RNASE10: variants seen among roughly 807,000 people sequenced by gnomAD.
The protein encoded by RNASE10 is ribonuclease A family member 10 (inactive).
A neutral mutation model predicts 1.1 loss-of-function variants in RNASE10; 2 were observed. That is an observed-to-expected ratio of 1.82 (90% CI 0.74 to 5.73). The LOEUF (loss-of-function observed/expected upper bound fraction) is 5.73. RNASE10 is among the 30% of genes most tolerant of loss of function. The pLI, the probability that RNASE10 is intolerant of heterozygous loss-of-function variation, is 0.05. For synonymous variants in RNASE10, 97 were observed against 96.2 expected (o/e 1.01, Z -0.05); for missense variants, 276 against 263.4 (o/e 1.05, Z -0.33).
At chr14:20,513,122 A>C (rs1051890914), downstream of RNASE10, among the ~76,000 whole-genome samples, 3 of 152,094 alleles carry the variant, frequency 2.0e-5, no homozygotes, top group Non-Finnish European at 4.4e-5. Context: ...TTCTCTCCCT[A>C]AGCGTTCCGG....
exon 2 of RNASE10, chr14:20,511,137 T>G: frequency 6.8e-7 from 1 of 1,463,122 alleles, no homozygotes; most frequent in Non-Finnish European, 9.1e-7. Context: ...ACTCATCATC[T>G]TTTTTCTCTT....
downstream of RNASE10, among the ~76,000 whole-genome samples, chr14:20,512,839 G>A (rs1040368142): frequency 2.0e-5 from 3 of 152,174 alleles, no homozygotes; most frequent in African/African-American, 4.8e-5. Flanking sequence ...TCCTGAGGGC[G>A]AATCCCTCTC....
downstream of RNASE10, among the ~76,000 whole-genome samples, chr14:20,513,163 G>A (rs1260498737): frequency 2.0e-5 from 3 of 152,046 alleles, no homozygotes; most frequent in African/African-American, 7.2e-5. Flanking sequence ...CATCTCCTCC[G>A]GGTCTTCACT....
downstream of RNASE10, among the ~76,000 whole-genome samples, chr14:20,513,807 G>A (rs1482611621): frequency 1.3e-5 from 2 of 152,260 alleles, no homozygotes; most frequent in East Asian, 1.9e-4. Context: ...GGCCCCAAAA[G>A]TTTCAAGTAA....
chr14:20,505,652 C>A (rs1401464163), exon 1 of RNASE10: 1 of 93,640 alleles, frequency 1.1e-5, no homozygotes, highest in African/African-American at 8.5e-5. Flanking sequence ...GTGGCGTGAT[C>A]TCAGCTCGCT....
At chr14:20,510,019 T>A (rs1384301703) in intron 1 of RNASE10, among the ~76,000 whole-genome samples, 1 of 149,554 alleles carries the variant, frequency 6.7e-6, no homozygotes, top group Admixed American at 6.7e-5. Flanking sequence ...CTTGGGAGGC[T>A]GAAGCAGAAG....
At chr14:20,505,219 A>G (rs905963552), upstream of RNASE10, among the ~76,000 whole-genome samples, 2 of 143,022 alleles carry the variant, frequency 1.4e-5, no homozygotes, top group South Asian at 2.3e-4. Context: ...AGAAACCCCA[A>G]AAGAATATAT....
Position 20,507,615 on chromosome 14 carries a change from A to AAAAT in RNASE10, c.79+1616_79+1619dup, listed in dbSNP as rs942237541. Reference sequence around the variant, plus strand: ...AAACACCCAAGAATGATCAATTAAAAAAATAAATAAATAAATAAATAAAAT... The same window carrying AAAAT: ...AAACACCCAAGAATGATCAATTAAAAAAATAAATAAATAAATAAATAAATAAAAT... On this transcript the variant is annotated intron_variant, in intron 1 of 1. Transcript: ENST00000430083. 6.4e-5 allele frequency among the ~76,000 whole-genome samples: 8 copies of AAAAT among 124,970 alleles called. 1 individual carries two copies. The highest frequency in any genetic ancestry group is 4.0e-4 in the Admixed American group (5 of 12,608). 82.0% of individuals were successfully genotyped at this position (124,970 alleles called of 152,430 possible).
upstream of RNASE10, among the ~76,000 whole-genome samples, chr14:20,505,271 C>T (rs1364977907): frequency 1.1e-4 from 1 of 9,142 alleles, no homozygotes; most frequent in Non-Finnish European, 2.1e-4. Flanking sequence ...GCTCCCTCTC[C>T]CTCTCCCTCT....
At chr14:20,504,644 C>T (rs565827257), upstream of RNASE10, among the ~76,000 whole-genome samples, 247 of 142,812 alleles carry the variant, frequency 1.7e-3, 1 homozygote, top group African/African-American at 5.6e-3. Flanking sequence ...GCCGAGATCG[C>T]GCCACCGCAC....
chr14:20,509,247 C>T lies in RNASE10; in HGVS notation c.80-1220C>T, dbSNP rs1460099601. ...TATTTTTAGTAGAGATGGGGTTTCACCATGTTGGCCAGGCTGATCTTGAAC... is the reference window on the plus strand; with the variant it reads ...TATTTTTAGTAGAGATGGGGTTTCATCATGTTGGCCAGGCTGATCTTGAAC... On this transcript the variant is annotated intron_variant, in intron 1 of 1. Transcript: ENST00000430083. 4.6e-5 allele frequency among the ~76,000 whole-genome samples: 7 copies of T among 152,334 alleles called. No individual in the cohort carries two copies. In the East Asian group the frequency reaches 1.4e-3, roughly 29 times the overall value.
downstream of RNASE10, chr14:20,511,159 G>T: frequency 7.2e-7 from 1 of 1,384,268 alleles, no homozygotes; most frequent in Non-Finnish European, 9.6e-7. Flanking sequence ...ACCTTCTCCT[G>T]TTCCTCTTCC....
At chr14:20,511,930 ATACTGATCACTTATG>A, downstream of RNASE10, among the ~76,000 whole-genome samples, 1 of 152,008 alleles carries the variant, frequency 6.6e-6, no homozygotes, top group Non-Finnish European at 1.5e-5. Flanking sequence ...CAGTCAGCCG[ATACTGATCACTTATG>A]CTATGTTGGT....
downstream of RNASE10, among the ~76,000 whole-genome samples, chr14:20,513,753 C>A (rs562264195): frequency 6.6e-6 from 1 of 152,118 alleles, no homozygotes; most frequent in South Asian, 2.1e-4. Flanking sequence ...CATTAACATA[C>A]AATAGTGCTT....
intron 1 of RNASE10, among the ~76,000 whole-genome samples, chr14:20,506,221 C>G (rs1882709650): frequency 3.0e-5 from 4 of 132,326 alleles, no homozygotes; most frequent in Non-Finnish European, 5.0e-5. Context: ...GCCGCCCCGT[C>G]CGGGAGGTGA....
intron 1 of RNASE10, 85 bp downstream of exon 1, chr14:20,506,104 G>A (rs1594439304): frequency 8.3e-5 from 11 of 133,134 alleles, no homozygotes; most frequent in Admixed American, 7.2e-5. Context: ...GAAGTGAGGA[G>A]CCCCTCCGTC....
At chr14:20,511,056 T>C (rs746059979) in exon 2 of RNASE10, 1 of 1,528,200 alleles carries the variant, frequency 6.5e-7, no homozygotes, top group Non-Finnish European at 8.8e-7. Flanking sequence ...ACCTAACTTC[T>C]GTTATAAAAA....
upstream of RNASE10, among the ~76,000 whole-genome samples, chr14:20,504,594 A>T (rs1184041448): frequency 6.9e-6 from 1 of 144,226 alleles, no homozygotes; most frequent in Non-Finnish European, 1.5e-5. Flanking sequence ...AGGCTGAGGC[A>T]GGAGAATGGC....
At chr14:20,509,539 A>G (rs538177195) in intron 1 of RNASE10, among the ~76,000 whole-genome samples, 1 of 152,236 alleles carries the variant, frequency 6.6e-6, no homozygotes, top group East Asian at 1.9e-4. Context: ...CCTGAGATGT[A>G]AAGTTGGACA....
Sources: allele counts gnomAD v4.1 joint callset (sites outside exome capture counted in the v4.1 genomes callset), GRCh38; gene constraint gnomAD v4.1.1; transcripts MANE v1.5; gene names NCBI Gene and HGNC (gene_info 2026-07-23, HGNC 2026-07-21).